The following SVIL variants were observed in gnomAD, a reference collection of about 807,000 sequenced individuals.
The protein encoded by SVIL is archvillin.
Under a neutral mutation model 240.4 loss-of-function variants are expected in SVIL, and 101 were observed. The observed-to-expected ratio is 0.42, with a 90% CI of 0.36 to 0.50. The LOEUF (loss-of-function observed/expected upper bound fraction) is 0.50. Among genes scored for constraint, SVIL ranks in the 20% least tolerant of loss-of-function variants. The pLI, the probability that SVIL is intolerant of heterozygous loss-of-function variation, is 0.01. For synonymous variants in SVIL, 999 were observed against 1,100.0 expected (o/e 0.91, Z 1.82); for missense variants, 2,512 against 2,818.7 (o/e 0.89, Z 2.46).
intron 1 of SVIL, among the ~76,000 whole-genome samples, chr10:29,691,966 C>T (rs769058523): frequency 6.6e-6 from 1 of 152,194 alleles, no homozygotes; most frequent in Non-Finnish European, 1.5e-5. Context: ...TAGCACCCAT[C>T]TGGAAGTTGG....
At chr10:29,607,591 G>A (rs1227352173) in intron 1 of SVIL, among the ~76,000 whole-genome samples, 2 of 151,914 alleles carry the variant, frequency 1.3e-5, no homozygotes, top group African/African-American at 2.4e-5. Context: ...TTATTCCCTG[G>A]TACTGAATTG....
At chr10:29,573,936 T>A (rs752830619) in intron 1 of SVIL, among the ~76,000 whole-genome samples, 6 of 152,216 alleles carry the variant, frequency 3.9e-5, no homozygotes, top group Non-Finnish European at 8.8e-5. Flanking sequence ...CCTCAGGTGA[T>A]CCGCCCACCT....
Position 29,524,690 on chromosome 10 carries a change from C to A in SVIL, c.2368G>T (p.Ala790Ser), listed in dbSNP as rs1450080711. The A allele has an allele frequency of 2.5e-6, 4 of 1,614,046 alleles. No homozygotes were observed. Among genetic ancestry groups the A allele is most frequent in the Admixed American group, 1.7e-5 (1 of 59,984 alleles). The change falls in exon 14 of 38, where the codon GCC (alanine) becomes TCC (serine). Residue 790 changes from alanine to serine, a missense_variant. This residue lies in a region of SVIL where 1,443 missense variants were observed against 1,486.6 expected (regional missense o/e 0.97). Transcript: ENST00000355867. ...TCATTTGTCTGGTCCTTGGCTAAGG[C>A]CTTTTGGTGAGCAGAGGCCTGCAAT... ...ARLQASAHQKALAKDQTNEGK... is the reference protein window; with the variant it reads ...ARLQASAHQKSLAKDQTNEGK...
At chr10:29,670,369 C>T (rs959949892) in intron 2 of SVIL, among the ~76,000 whole-genome samples, 6 of 152,140 alleles carry the variant, frequency 3.9e-5, no homozygotes, top group African/African-American at 1.4e-4. Context: ...AGCTTCAAAG[C>T]TTTATAAAAT....
At chr10:29,682,332 C>T (rs997771750) in intron 2 of SVIL, among the ~76,000 whole-genome samples, 7 of 152,126 alleles carry the variant, frequency 4.6e-5, no homozygotes, top group African/African-American at 9.7e-5. Context: ...AAGTCACAGA[C>T]GAAGAGACTC....
intron 1 of SVIL, among the ~76,000 whole-genome samples, chr10:29,731,380 G>A (rs1284863656): frequency 1.3e-5 from 2 of 152,142 alleles, no homozygotes; most frequent in Non-Finnish European, 1.5e-5. Flanking sequence ...ATTAAACAAA[G>A]GATGTGGGCA....
intron 2 of SVIL, among the ~76,000 whole-genome samples, chr10:29,668,535 G>A (rs1589481221): frequency 2.0e-5 from 3 of 152,086 alleles, no homozygotes; most frequent in Admixed American, 2.0e-4. Flanking sequence ...GTGCAATGGC[G>A]CCATCTCAGC....
In SVIL at chr10:29,592,397, G is replaced by A. The variant is rs565901160; in HGVS notation, c.-200-23085C>T. Among the ~76,000 whole-genome samples the A allele has an allele frequency of 6.6e-5, 10 of 152,274 alleles. 2 individuals are homozygous for A. In the South Asian group the frequency reaches 2.1e-3, roughly 32 times the overall value. On this transcript the variant is annotated intron_variant, in intron 1 of 37. Coordinates refer to ENST00000355867, the MANE Select transcript of SVIL (RefSeq NM_021738.3). ...TAAAGCCTCTTCGATATTTCACAAG[G>A]CAAGGGGCAAGAAGAAGCTTCTAGA... is the stretch of plus-strand genomic sequence containing the variant.
At chr10:29,645,994 G>A (rs1326564017) in intron 3 of SVIL, among the ~76,000 whole-genome samples, 3 of 152,192 alleles carry the variant, frequency 2.0e-5, no homozygotes, top group African/African-American at 7.2e-5. Context: ...TTCAGCTTAC[G>A]CTTGTACCCC....
chr10:29,523,603 G>A lies in SVIL; in HGVS notation c.3011C>T (p.Ala1004Val), dbSNP rs1051051859. ...CCCGAGGTGGGTGATGGGAGGGTTC[G>A]CCCGTTCCAGGCTTCCTCTTCTGGG... ...AVPRRGSLER[A>V]NPPITHLGDE... Residue 1004 changes from alanine to valine, a missense_variant, in exon 15 of 38, where the codon GCG becomes GTG. Around this residue, in one of 3 missense-constraint regions of SVIL, gnomAD observed 1,443 missense variants for 1,486.6 expected, o/e 0.97. Coordinates refer to ENST00000355867, the MANE Select transcript of SVIL (RefSeq NM_021738.3). 4 of 1,613,994 alleles carry A rather than the reference G, an allele frequency of 2.5e-6. No homozygotes were observed. The highest frequency in any genetic ancestry group is 1.3e-5 in the African/African-American group (1 of 74,884).
At chr10:29,497,942 C>T (rs1388386920) in intron 18 of SVIL, among the ~76,000 whole-genome samples, 2 of 151,364 alleles carry the variant, frequency 1.3e-5, no homozygotes, top group African/African-American at 4.9e-5. Context: ...ATTAGCTGGG[C>T]ATGGTGGCGC....
At position 29,603,340 on chromosome 10, in the gene SVIL, T is replaced by C. The variant is rs193015843; in HGVS notation, c.-201+31080A>G. ...GCAGGGGGAGAAGTTAGTAATTTTG[T>C]TTCCTGAAAGACTAAAAATAGGAAT... On this transcript the variant is annotated intron_variant, in intron 1 of 37. Coordinates refer to ENST00000355867, the MANE Select transcript of SVIL (RefSeq NM_021738.3). 2.4e-3 allele frequency among the ~76,000 whole-genome samples: 361 copies of C among 152,322 alleles called. 1 individual carries two copies. The highest frequency in any genetic ancestry group is 4.1e-3 in the Non-Finnish European group (280 of 68,036).
chr10:29,488,977 G>A (rs1947697929), intron 22 of SVIL, among the ~76,000 whole-genome samples: 1 of 152,240 alleles, frequency 6.6e-6, no homozygotes, highest in Non-Finnish European at 1.5e-5. Flanking sequence ...GTTGACAAGT[G>A]TCACTCCATG....
intron 36 of SVIL, 58 bp downstream of exon 36, chr10:29,462,219 T>TA (rs1180755618): frequency 6.4e-7 from 1 of 1,570,660 alleles, no homozygotes; most frequent in Non-Finnish European, 8.6e-7. Context: ...AAAGTAAAGT[T>TA]AACCCACAAT....
intron 2 of SVIL, among the ~76,000 whole-genome samples, chr10:29,679,743 C>T (rs944469122): frequency 6.6e-6 from 1 of 151,968 alleles, no homozygotes; most frequent in Non-Finnish European, 1.5e-5. Context: ...TTCTAAATAC[C>T]TTTCTGTTGG....
In SVIL at chr10:29,576,166, A is replaced by G. The variant is rs16930430; in HGVS notation, c.-200-6854T>C. The G allele has an allele frequency of 4.1e-3, 4,040 of 973,546 alleles. 129 individuals are homozygous for G. The African/African-American group carries it at 0.064, about 16-fold the overall frequency. 60.3% of individuals were successfully genotyped at this position (973,546 alleles called of 1,614,324 possible). ...AAAGTGTATGCTGTGAACGATGCCA[A>G]TGGTAAATAAGACCTTTATGGACAC... On this transcript the variant is annotated intron_variant, in intron 1 of 37. Coordinates refer to ENST00000355867, the MANE Select transcript of SVIL (RefSeq NM_021738.3).
At chr10:29,713,262 C>CTGTG (rs10647219) in intron 1 of SVIL, among the ~76,000 whole-genome samples, 10,132 of 148,482 alleles carry the variant, frequency 0.068, 412 homozygotes, top group South Asian at 0.18. Flanking sequence ...GTACATGCCT[C>CTGTG]TGTGTGTGTG....
intron 29 of SVIL, among the ~76,000 whole-genome samples, chr10:29,478,258 ACT>A: frequency 6.6e-6 from 1 of 152,226 alleles, no homozygotes; most frequent in East Asian, 1.9e-4. Flanking sequence ...CACGACAGTG[ACT>A]CTTTGTTATT....
chr10:29,458,417 C>T lies in SVIL; in HGVS notation c.6558+17G>A. 1 of 1,593,540 alleles carries T rather than the reference C, an allele frequency of 6.3e-7. No individual in the cohort carries two copies. Among genetic ancestry groups the T allele is most frequent in the Non-Finnish European group, 8.6e-7 (1 of 1,168,168 alleles). On this transcript the variant is annotated intron_variant, in intron 37 of 37. Transcript: ENST00000355867. ...TTGTTTTACTCCCATCCCCACCCCA[C>T]CGGAAGAACCGCTTACCTCGAAGTC...
Sources: gnomAD v4.1 joint callset for allele counts (sites outside exome capture counted in the v4.1 genomes callset) on GRCh38, gnomAD v4.1.1 for gene constraint, gnomAD v4.1.1 regional missense constraint, MANE v1.5 for transcripts, NCBI Gene and HGNC (gene_info 2026-07-23, HGNC 2026-07-21) for gene names.